TMEM117: variants seen among roughly 807,000 people sequenced by gnomAD.
TMEM117 encodes transmembrane protein 117.
A neutral mutation model predicts 52.4 loss-of-function variants in TMEM117; 27 were observed. The observed-to-expected ratio is 0.51, with a 90% CI of 0.38 to 0.71. The LOEUF (loss-of-function observed/expected upper bound fraction) is 0.71, where lower values mean the gene tolerates loss of function less well. Ranked by LOEUF, TMEM117 falls within the 30% of genes least tolerant of loss-of-function variation. The pLI, the probability that TMEM117 is intolerant of heterozygous loss-of-function variation, is 0.00. For synonymous variants in TMEM117, 215 were observed against 206.3 expected (o/e 1.04, Z -0.36); for missense variants, 556 against 630.5 (o/e 0.88, Z 1.26).
chr12:44,027,170 T>TTTTATTTTA (rs1447530197), intron 3 of TMEM117, among the ~76,000 whole-genome samples: 4 of 135,634 alleles, frequency 2.9e-5, no homozygotes, highest in African/African-American at 8.8e-5. Context: ...TTTTATTTTA[T>TTTTATTTTA]TTTATTTTAT....
At chr12:44,131,414 A>G (rs1222326188) in intron 3 of TMEM117, among the ~76,000 whole-genome samples, 1 of 152,084 alleles carries the variant, frequency 6.6e-6, no homozygotes, top group Non-Finnish European at 1.5e-5. Flanking sequence ...CTGATGATCA[A>G]TATTTCTAAG....
chr12:44,314,989 G>T (rs1042987563), intron 6 of TMEM117, among the ~76,000 whole-genome samples: 2 of 152,116 alleles, frequency 1.3e-5, no homozygotes, highest in African/African-American at 4.8e-5. Context: ...GTTGGGGCTT[G>T]TGTGTTTCCA....
At chr12:44,048,577 A>G (rs1194534899) in intron 3 of TMEM117, among the ~76,000 whole-genome samples, 2 of 152,150 alleles carry the variant, frequency 1.3e-5, no homozygotes, top group African/African-American at 4.8e-5. Context: ...TTTGGCTACT[A>G]TGGATCAAAA....
At chr12:44,165,681 C>T (rs917948307) in intron 4 of TMEM117, among the ~76,000 whole-genome samples, 6 of 152,110 alleles carry the variant, frequency 3.9e-5, no homozygotes, top group Non-Finnish European at 5.9e-5. Flanking sequence ...CTTAACAATT[C>T]TAATTACATA....
At chr12:44,130,332 A>G (rs941731609) in intron 3 of TMEM117, among the ~76,000 whole-genome samples, 4 of 152,186 alleles carry the variant, frequency 2.6e-5, no homozygotes, top group Non-Finnish European at 5.9e-5. Context: ...TCAGGATCCC[A>G]GAAGCTGCCC....
chr12:44,122,367 T>A (rs1421484479), intron 3 of TMEM117, among the ~76,000 whole-genome samples: 1 of 152,074 alleles, frequency 6.6e-6, no homozygotes, highest in Non-Finnish European at 1.5e-5. Context: ...TGTGGCTGTG[T>A]AGTATTTCAT....
intron 4 of TMEM117, among the ~76,000 whole-genome samples, chr12:44,165,573 T>C (rs1045286254): frequency 1.3e-5 from 2 of 151,506 alleles, no homozygotes; most frequent in Admixed American, 6.6e-5. Flanking sequence ...CTGACGGGAG[T>C]AGCTATACTT....
intron 4 of TMEM117, among the ~76,000 whole-genome samples, chr12:44,193,311 T>A (rs184864012): frequency 2.0e-5 from 3 of 152,266 alleles, no homozygotes; most frequent in African/African-American, 7.2e-5. Flanking sequence ...TATAATTTTT[T>A]AAAATAAAAC....
chr12:44,178,965 G>A (rs752197484), intron 4 of TMEM117, among the ~76,000 whole-genome samples: 9 of 152,128 alleles, frequency 5.9e-5, no homozygotes, highest in South Asian at 2.1e-4. Context: ...AGGCCAAGGC[G>A]GGCGGATCAC....
intron 3 of TMEM117, 110 bp downstream of exon 3, chr12:43,944,452 C>T (rs763408857): frequency 1.9e-4 from 197 of 1,037,228 alleles, no homozygotes; most frequent in Admixed American, 6.1e-4. Flanking sequence ...AAATATTCTA[C>T]CCTAAGAAGA....
chr12:44,101,372 C>G (rs1362660125), intron 3 of TMEM117, among the ~76,000 whole-genome samples: 5 of 151,968 alleles, frequency 3.3e-5, no homozygotes, highest in African/African-American at 1.2e-4. Flanking sequence ...CTTTCTCCTT[C>G]TTTGACTATT....
intron 4 of TMEM117, among the ~76,000 whole-genome samples, chr12:44,161,319 G>C (rs1948895590): frequency 6.6e-6 from 1 of 152,072 alleles, no homozygotes; most frequent in Non-Finnish European, 1.5e-5. Flanking sequence ...ATACAGTTGG[G>C]TTTAAATCTC....
At chr12:43,819,882 T>A in the TMEM117 span, among the ~76,000 whole-genome samples, 2 of 152,152 alleles carry the variant, frequency 1.3e-5, no homozygotes, top group African/African-American at 4.8e-5. Context: ...AGGCTGATGC[T>A]GAATTCTACA....
chr12:43,865,062 G>C (rs1275742209), intron 2 of TMEM117, among the ~76,000 whole-genome samples: 1 of 152,100 alleles, frequency 6.6e-6, no homozygotes, highest in African/African-American at 2.4e-5. Context: ...GAAGGAAAAA[G>C]CTCCGAACAC....
the TMEM117 span, among the ~76,000 whole-genome samples, chr12:43,822,685 C>T: frequency 6.6e-6 from 1 of 151,820 alleles, no homozygotes; most frequent in African/African-American, 2.4e-5. Context: ...TTTAGCTGCT[C>T]CTATAGTAGA....
intron 2 of TMEM117, among the ~76,000 whole-genome samples, chr12:43,890,652 C>T (rs557298463): frequency 6.6e-6 from 1 of 152,214 alleles, no homozygotes; most frequent in African/African-American, 2.4e-5. Flanking sequence ...CTGTCTCAGC[C>T]TCCCGAGTAA....
At chr12:44,160,528 G>T (rs989184705) in intron 4 of TMEM117, among the ~76,000 whole-genome samples, 5 of 152,132 alleles carry the variant, frequency 3.3e-5, no homozygotes, top group Admixed American at 6.5e-5. Context: ...AATTAACTGG[G>T]TGTGGTAACT....
intron 6 of TMEM117, among the ~76,000 whole-genome samples, chr12:44,346,885 G>C (rs528326833): frequency 1.3e-5 from 2 of 152,188 alleles, no homozygotes; most frequent in South Asian, 4.1e-4. Flanking sequence ...GTTGTATTAG[G>C]TAAGCATATT....
At chr12:44,395,533 A>G in the TMEM117 span, among the ~76,000 whole-genome samples, 1 of 152,232 alleles carries the variant, frequency 6.6e-6, no homozygotes, top group Non-Finnish European at 1.5e-5. Context: ...GTTATTGCCC[A>G]GCAGTGGTTT....
Sources: gnomAD v4.1 joint callset for allele counts (sites outside exome capture counted in the v4.1 genomes callset) on GRCh38, gnomAD v4.1.1 for gene constraint, MANE v1.5 for transcripts, NCBI Gene and HGNC (gene_info 2026-07-23, HGNC 2026-07-21) for gene names.